Variants in UVSSA observed in about 807,000 individuals in gnomAD.
UVSSA encodes UV-stimulated scaffold protein A.
Under a neutral mutation model 73.9 loss-of-function variants are expected in UVSSA, and 72 were observed. That is an observed-to-expected ratio of 0.97 (90% CI 0.81 to 1.19). UVSSA has a LOEUF of 1.19. Among genes scored for constraint, UVSSA ranks in the 50% most tolerant of loss-of-function variants. The pLI, the probability that UVSSA is intolerant of heterozygous loss-of-function variation, is 0.00. For missense variants in UVSSA, 1,150 were observed against 965.0 expected (o/e 1.19, Z -2.54); for synonymous variants, 454 against 391.3 (o/e 1.16, Z -1.89).
At chr4:1,363,903 T>C (rs1716974277) in intron 7 of UVSSA, among the ~76,000 whole-genome samples, 1 of 152,264 alleles carries the variant, frequency 6.6e-6, no homozygotes, top group Non-Finnish European at 1.5e-5. Flanking sequence ...AGTGGGATGC[T>C]CCTAAACAAA....
chr4:1,352,956 T>C, intron 4 of UVSSA, 74 bp from the exon 5 acceptor site: 3 of 1,535,092 alleles, frequency 2.0e-6, no homozygotes, highest in Admixed American at 2.0e-5. Flanking sequence ...AGTGGGCCTC[T>C]GAGTGTGGTT....
chr4:1,395,387 C>T, exon 14 of UVSSA: 1 of 1,576,042 alleles, frequency 6.3e-7, no homozygotes, highest in Non-Finnish European at 8.6e-7. Context: ...CCCGCCTGCT[C>T]ACACGTGCCC....
intron 10 of UVSSA, 92 bp from the exon 11 acceptor site, chr4:1,379,955 G>C: frequency 7.0e-7 from 1 of 1,429,886 alleles, no homozygotes; most frequent in South Asian, 1.4e-5. Context: ...GGGCTGCAGT[G>C]GTGTTTGGCC....
chr4:1,353,529 C>G lies in UVSSA; in HGVS notation c.934+116C>G, dbSNP rs1715143028. 3 of 1,355,876 alleles carry G rather than the reference C, an allele frequency of 2.2e-6. No individual in the cohort carries two copies. In the East Asian group the frequency reaches 7.7e-5, roughly 35 times the overall value. The allele number at this position is 1,355,876 out of a possible 1,614,324, so 84.0% of individuals were successfully genotyped here. A position where few individuals can be genotyped will look rare whatever the true frequency, so the allele number is the denominator to read the frequency against. ...GGATGCAGGGGCCTCCCCTGGGGAG[C>G]TAGGTCAGGGGTCACCACCAGGTTT... On this transcript the variant is annotated intron_variant, in intron 5 of 13. Coordinates refer to ENST00000389851, the MANE Select transcript of UVSSA (RefSeq NM_020894.4).
Position 1,366,431 on chromosome 4 carries a change from GGT to G in UVSSA, c.1288+2_1288+3del. The G allele has an allele frequency of 1.9e-6, 3 of 1,605,316 alleles. No individual in the cohort carries two copies. The highest frequency in any genetic ancestry group is 2.6e-6 in the Non-Finnish European group (3 of 1,175,854). On this transcript the variant is annotated splice_donor_variant, in intron 8 of 13. Transcript: ENST00000389851. LOFTEE classifies it high-confidence loss of function. ...CCCCGACCACTTGCGGCCTGAGTAT[GGT>G]GAGCAGTGGGTCCCGTGGGGGGGGC...
intron 4 of UVSSA, among the ~76,000 whole-genome samples, chr4:1,352,383 A>C (rs2109080540): frequency 1.3e-5 from 2 of 152,292 alleles, no homozygotes; most frequent in Admixed American, 1.3e-4. Context: ...GGGACCTGCC[A>C]CAGGCCACTG....
Position 1,386,326 on chromosome 4 carries a change from A to G in UVSSA, c.*365A>G, listed in dbSNP as rs1720113156. ...CCTTCAGAGCGTGCATTCCCCAGCC[A>G]GGAGGCGACCACTCAGAGGAACTCT... On this transcript the variant is annotated 3_prime_UTR_variant, in exon 14 of 14. Transcript: ENST00000389851. The G allele has an allele frequency of 1.0e-5, 2 of 199,496 alleles. No individual in the cohort carries two copies. Among genetic ancestry groups the G allele is most frequent in the Admixed American group, 1.1e-4 (2 of 18,826 alleles). 12.4% of individuals were successfully genotyped at this position (199,496 alleles called of 1,614,324 possible). A position where few individuals can be genotyped will look rare whatever the true frequency, so the allele number is the denominator to read the frequency against.
downstream of UVSSA, chr4:1,389,097 T>G (rs1194086954): frequency 6.6e-6 from 1 of 152,234 alleles, no homozygotes; most frequent in Non-Finnish European, 1.5e-5. Flanking sequence ...CTTCATTTAT[T>G]ATAGATCTGT....
intron 10 of UVSSA, among the ~76,000 whole-genome samples, chr4:1,376,784 G>A (rs924013989): frequency 6.6e-6 from 1 of 152,194 alleles, no homozygotes; most frequent in Non-Finnish European, 1.5e-5. Context: ...ACGGCCTATC[G>A]GGGGAACAGG....
intron 3 of UVSSA, 43 bp downstream of exon 3, chr4:1,349,897 C>A: frequency 2.7e-6 from 4 of 1,465,552 alleles, no homozygotes; most frequent in Non-Finnish European, 1.8e-6. Flanking sequence ...GGTTACCTGA[C>A]GTGAGGAGGG....
At chr4:1,380,587 G>C in intron 11 of UVSSA, 1 of 1,420,196 alleles carries the variant, frequency 7.0e-7, no homozygotes, top group Non-Finnish European at 9.4e-7. Context: ...CAGCCGGGCA[G>C]CTGGGCATGG....
intron 7 of UVSSA, among the ~76,000 whole-genome samples, chr4:1,355,882 G>T (rs1026283588): frequency 1.3e-5 from 2 of 152,166 alleles, no homozygotes; most frequent in East Asian, 3.8e-4. Context: ...AGCCGTTCGA[G>T]GGTGGGGGTG....
intron 7 of UVSSA, among the ~76,000 whole-genome samples, chr4:1,365,917 C>T (rs1271071292): frequency 6.6e-6 from 1 of 152,080 alleles, no homozygotes; most frequent in African/African-American, 2.4e-5. Flanking sequence ...GATAACTGCC[C>T]TAAGCCTCGG....
chr4:1,364,599 G>A (rs564933889), intron 7 of UVSSA, among the ~76,000 whole-genome samples: 11 of 152,170 alleles, frequency 7.2e-5, no homozygotes, highest in African/African-American at 4.8e-5. Context: ...TCTGTTTTTC[G>A]GTTTTTCTCT....
downstream of UVSSA, chr4:1,392,178 GT>G (rs1720427314): frequency 6.6e-6 from 1 of 152,128 alleles, no homozygotes; most frequent in African/African-American, 2.4e-5. Flanking sequence ...TTAATATAAT[GT>G]ACAAAAACCT....
downstream of UVSSA, chr4:1,388,929 C>T (rs1394586432): frequency 1.3e-5 from 2 of 152,152 alleles, no homozygotes; most frequent in Non-Finnish European, 2.9e-5. Flanking sequence ...TTAGTCACGT[C>T]ACTACTGACC....
intron 7 of UVSSA, among the ~76,000 whole-genome samples, chr4:1,365,152 A>G (rs1314426609): frequency 6.6e-6 from 1 of 152,242 alleles, no homozygotes; most frequent in Non-Finnish European, 1.5e-5. Context: ...CAGTGCACAC[A>G]GAAGCCAGTA....
At chr4:1,374,126 G>T (rs1283662050) in intron 8 of UVSSA, among the ~76,000 whole-genome samples, 2 of 152,212 alleles carry the variant, frequency 1.3e-5, no homozygotes, top group African/African-American at 4.8e-5. Flanking sequence ...TTTCTTCCAT[G>T]GCAGCTCTCC....
upstream of UVSSA, among the ~76,000 whole-genome samples, chr4:1,343,410 C>T (rs755735729): frequency 2.6e-5 from 4 of 152,012 alleles, no homozygotes; most frequent in Non-Finnish European, 4.4e-5. Flanking sequence ...GTTAGGGCTT[C>T]GACATAGGAA....
Sources: gnomAD v4.1 joint callset for allele counts (sites outside exome capture counted in the v4.1 genomes callset) on GRCh38, gnomAD v4.1.1 for gene constraint, MANE v1.5 for transcripts, NCBI Gene and HGNC (gene_info 2026-07-23, HGNC 2026-07-21) for gene names.